CACNA1A: variants seen among roughly 807,000 people sequenced by gnomAD.
The protein encoded by CACNA1A is voltage-dependent P/Q-type calcium channel subunit alpha-1A.
A neutral mutation model predicts 262.4 loss-of-function variants in CACNA1A; 57 were observed. The observed-to-expected ratio is 0.22, with a 90% confidence interval of 0.18 to 0.27. The LOEUF is 0.27. Ranked by LOEUF, CACNA1A falls within the 10% of genes least tolerant of loss-of-function variation. The probability of loss-of-function intolerance (pLI) is 1.00; values close to 1 mark genes in which losing one functional copy is unlikely to be tolerated. For missense variants in CACNA1A, 2,526 were observed against 3,562.8 expected (o/e 0.71, Z 7.41); for synonymous variants, 1,431 against 1,419.3 (o/e 1.01, Z -0.18).
At chr19:13,435,470 G>C (rs1388241310) in intron 3 of CACNA1A, among the ~76,000 whole-genome samples, 1 of 151,830 alleles carries the variant, frequency 6.6e-6, no homozygotes, top group Admixed American at 6.6e-5. Context: ...TTTCAGATGG[G>C]GAAACTGAGG....
At chr19:13,478,257 C>T (rs1425221076) in intron 1 of CACNA1A, among the ~76,000 whole-genome samples, 1 of 152,056 alleles carries the variant, frequency 6.6e-6, no homozygotes, top group African/African-American at 2.4e-5. Context: ...GGGTGAGTTG[C>T]TGGGTCAGGA....
In CACNA1A at chr19:13,348,991, G is replaced by C. The variant is rs571712528; in HGVS notation, c.978+10615C>G. ...CCACTGCACTCTAGCCTGGGTGACA[G>C]AGTGAGACGCTGTCTCAAAAAAAAA... On this transcript the variant is annotated intron_variant, in intron 6 of 46. Coordinates refer to ENST00000360228, the MANE Select transcript of CACNA1A (RefSeq NM_001127222.2). 5.5e-4 allele frequency among the ~76,000 whole-genome samples: 74 copies of C among 135,020 alleles called. 1 individual carries two copies. Among genetic ancestry groups the C allele is most frequent in the African/African-American group, 2.1e-3 (73 of 35,430 alleles). 88.6% of individuals were successfully genotyped at this position (135,020 alleles called of 152,430 possible).
chr19:13,249,436 G>A (rs1383176495), intron 30 of CACNA1A, among the ~76,000 whole-genome samples: 2 of 152,078 alleles, frequency 1.3e-5, no homozygotes, highest in Non-Finnish European at 2.9e-5. Flanking sequence ...ACTCACTGCA[G>A]CCCTGACATC....
At chr19:13,457,853 CAAA>C (rs775895393) in intron 1 of CACNA1A, among the ~76,000 whole-genome samples, 7 of 58,650 alleles carry the variant, frequency 1.2e-4, no homozygotes, top group Admixed American at 1.9e-4. Context: ...AACTCCGTTT[CAAA>C]AAAAAAAAAA....
chr19:13,297,890 G>C (rs1417768848), intron 19 of CACNA1A, among the ~76,000 whole-genome samples: 7 of 151,608 alleles, frequency 4.6e-5, no homozygotes, highest in Non-Finnish European at 8.8e-5. Context: ...GTGATGGCAC[G>C]ATCTCAGCTC....
At chr19:13,375,080 AT>A (rs1377968578) in intron 3 of CACNA1A, among the ~76,000 whole-genome samples, 1 of 151,936 alleles carries the variant, frequency 6.6e-6, no homozygotes, top group Non-Finnish European at 1.5e-5. Flanking sequence ...TATCAGGGCC[AT>A]TTTTTTTCCA....
At chr19:13,224,800 C>A in intron 37 of CACNA1A, 28 bp from the exon 38 acceptor site, 3 of 1,533,662 alleles carry the variant, frequency 2.0e-6, no homozygotes, top group South Asian at 2.3e-5. Context: ...CAAGCGCAGT[C>A]ATTCCCAGGC....
At chr19:13,491,416 A>G (rs1980867712) in intron 1 of CACNA1A, among the ~76,000 whole-genome samples, 1 of 152,142 alleles carries the variant, frequency 6.6e-6, no homozygotes, top group African/African-American at 2.4e-5. Context: ...ACCACAAAGC[A>G]GAGAGTTTCC....
At chr19:13,483,165 C>T (rs1294413931) in intron 1 of CACNA1A, among the ~76,000 whole-genome samples, 2 of 152,114 alleles carry the variant, frequency 1.3e-5, no homozygotes, top group Non-Finnish European at 2.9e-5. Context: ...AGCCTTCATA[C>T]TCTTTTCCTA....
chr19:13,302,588 A>G (rs1351654940), intron 17 of CACNA1A, among the ~76,000 whole-genome samples: 1 of 152,242 alleles, frequency 6.6e-6, no homozygotes, highest in African/African-American at 2.4e-5. Flanking sequence ...CACACCTCCC[A>G]GGAGATAAAC....
chr19:13,246,141 C>T (rs992307591), intron 30 of CACNA1A, among the ~76,000 whole-genome samples: 8 of 152,202 alleles, frequency 5.3e-5, no homozygotes, highest in Admixed American at 2.6e-4. Flanking sequence ...GTTCAAATCC[C>T]AGCTCTGCTA....
In CACNA1A at chr19:13,430,776, T is replaced by C. The variant is rs182235638; in HGVS notation, c.539+22100A>G. Among the ~76,000 whole-genome samples, 6 of 152,058 alleles carry C rather than the reference T, an allele frequency of 3.9e-5. No homozygotes were observed. In the East Asian group the frequency reaches 9.7e-4, roughly 25 times the overall value. ...TAACCAATAAACAAGTAAATATAGC[T>C]TGGCAGATGCTCTTCAGGGGTGTAG... On this transcript the variant is annotated intron_variant, in intron 3 of 46. Transcript: ENST00000360228.
At chr19:13,385,709 G>A (rs1012653367) in intron 3 of CACNA1A, among the ~76,000 whole-genome samples, 1 of 152,082 alleles carries the variant, frequency 6.6e-6, no homozygotes, top group Admixed American at 6.6e-5. Flanking sequence ...ATTTTCATCT[G>A]TTTTGTTCAT....
In CACNA1A at chr19:13,229,062, TG is replaced by T. The variant is rs61098915; in HGVS notation, c.5528+1019del. Reference sequence around the variant, plus strand: ...CCACAGTCTACATGGGCTACAGGGGTGGGGGGGGGCTTGTGGAATAGAGGCC... The same window carrying T: ...CCACAGTCTACATGGGCTACAGGGGTGGGGGGGGCTTGTGGAATAGAGGCC... On this transcript the variant is annotated intron_variant, in intron 36 of 46. Transcript: ENST00000360228. The T allele has an allele frequency of 0.66, 121,366 of 183,892 alleles. 40,478 individuals are homozygous for T. Among genetic ancestry groups the T allele is most frequent in the East Asian group, 0.87 (5,515 of 6,328 alleles). The allele number at this position is 183,892 out of a possible 1,614,324, so 11.4% of individuals were successfully genotyped here.
In CACNA1A at chr19:13,212,668, C is replaced by A. The variant is rs374063403; in HGVS notation, c.6013G>T (p.Ala2005Ser). 6.6e-7 allele frequency: 1 copy of A among 1,512,662 alleles called. No homozygotes were observed. Among genetic ancestry groups the A allele is most frequent in the East Asian group, 2.3e-5 (1 of 43,514 alleles). 93.7% of individuals were successfully genotyped at this position (1,512,662 alleles called of 1,614,324 possible). A position where few individuals can be genotyped will look rare whatever the true frequency, so the allele number is the denominator to read the frequency against. Residue 2005 changes from alanine to serine, a missense_variant, in exon 41 of 47, where the codon GCC becomes TCC. By Grantham distance (99) the Ala-to-Ser change is moderately conservative (BLOSUM62 1). Around this residue, in one of 17 missense-constraint regions of CACNA1A, gnomAD observed 929 missense variants for 868.1 expected, o/e 1.07. Transcript: ENST00000360228. The surrounding 1 kb of genome is among the most constrained non-coding windows in gnomAD (Gnocchi z 5.6). ...GGGTCCAGCTGGGTGGAGGGGAGGG[C>A]GTTCTGGCCAGGTCCCCCTTCCTGC... ...PTQEGGPGQN[A>S]LPSTQLDPGG... is the part of the protein sequence containing the mutation.
chr19:13,294,059 T>A (rs139533249), intron 19 of CACNA1A, among the ~76,000 whole-genome samples: 2 of 152,212 alleles, frequency 1.3e-5, no homozygotes, highest in African/African-American at 2.4e-5. Flanking sequence ...ATAAGGCTGA[T>A]AATAACAGTA....
chr19:13,354,492 T>G (rs778680458), intron 6 of CACNA1A, among the ~76,000 whole-genome samples: 5 of 152,114 alleles, frequency 3.3e-5, no homozygotes, highest in Non-Finnish European at 1.5e-5. Context: ...AGCTGTGTCC[T>G]CCTCAGCAGA....
chr19:13,439,718 G>T (rs912296050), intron 3 of CACNA1A, among the ~76,000 whole-genome samples: 1 of 151,572 alleles, frequency 6.6e-6, no homozygotes, highest in African/African-American at 2.4e-5. Flanking sequence ...GCCCAGTCTG[G>T]GTTCTTGATT....
intron 8 of CACNA1A, chr19:13,333,945 T>C (rs1271423249): frequency 6.0e-6 from 1 of 167,342 alleles, no homozygotes; most frequent in Non-Finnish European, 1.3e-5. Flanking sequence ...AAATGTTTGT[T>C]AAATGGCTGA....
Sources: gnomAD v4.1 joint callset for allele counts (sites outside exome capture counted in the v4.1 genomes callset) on GRCh38, gnomAD v4.1.1 for gene constraint, gnomAD v4.1.1 regional missense constraint, Gnocchi (gnomAD v3.1) non-coding constraint, MANE v1.5 for transcripts, NCBI Gene and HGNC (gene_info 2026-07-23, HGNC 2026-07-21) for gene names.